Variants in EPHB1 observed in about 807,000 individuals in gnomAD.
EPHB1 encodes the protein ephrin type-B receptor 1.
In EPHB1, 30 loss-of-function variants were observed where a neutral mutation model predicts 94.4. The ratio of observed to expected loss-of-function variants is 0.32; its 90% CI spans 0.24 to 0.43. The LOEUF is 0.43. EPHB1 is among the 20% of genes least tolerant of loss of function. The probability of loss-of-function intolerance (pLI) is 1.00; values close to 1 mark genes in which losing one functional copy is unlikely to be tolerated. For synonymous variants in EPHB1, 522 were observed against 489.1 expected (o/e 1.07, Z -0.89); for missense variants, 1,055 against 1,308.3 (o/e 0.81, Z 2.99).
In EPHB1 at chr3:134,979,254, A is replaced by G. The variant is rs553371558; in HGVS notation, c.805+27202A>G. On this transcript the variant is annotated intron_variant, in intron 3 of 15. Transcript: ENST00000398015. ...TCAAGTGATTAGATCTTTGGAAGCT[A>G]TTGTATAATTCTTAAACTTTGGTAA... is the stretch of plus-strand genomic sequence containing the variant. Among the ~76,000 whole-genome samples the G allele has an allele frequency of 4.6e-5, 7 of 152,272 alleles. No individual in the cohort carries two copies. In the East Asian group the frequency reaches 1.3e-3, roughly 29 times the overall value.
chr3:135,040,224 G>A (rs1249185344), intron 3 of EPHB1, among the ~76,000 whole-genome samples: 2 of 152,182 alleles, frequency 1.3e-5, no homozygotes, highest in African/African-American at 4.8e-5. Flanking sequence ...ATCCATATCT[G>A]GGGTAATAAT....
At chr3:134,931,415 T>C (rs1341739201) in intron 2 of EPHB1, among the ~76,000 whole-genome samples, 2 of 152,262 alleles carry the variant, frequency 1.3e-5, no homozygotes, top group Non-Finnish European at 2.9e-5. Flanking sequence ...TGGGCCACCA[T>C]TGGCCTCTGT....
chr3:135,043,306 C>A (rs1482243810), intron 3 of EPHB1, among the ~76,000 whole-genome samples: 1 of 151,742 alleles, frequency 6.6e-6, no homozygotes, highest in East Asian at 1.9e-4. Flanking sequence ...TGTGTGATAT[C>A]TGAGCCCCTA....
chr3:134,824,912 G>A (rs1335412238), intron 1 of EPHB1, among the ~76,000 whole-genome samples: 1 of 152,180 alleles, frequency 6.6e-6, no homozygotes, highest in African/African-American at 2.4e-5. Context: ...TAGAGGCTTT[G>A]GATGACTGCA....
At chr3:135,091,035 A>G (rs1440938649) in intron 3 of EPHB1, among the ~76,000 whole-genome samples, 1 of 152,236 alleles carries the variant, frequency 6.6e-6, no homozygotes, top group Non-Finnish European at 1.5e-5. Flanking sequence ...TAAATTATAC[A>G]TATGCAGCAC....
At chr3:134,853,664 A>G (rs1391362278) in intron 1 of EPHB1, among the ~76,000 whole-genome samples, 2 of 152,218 alleles carry the variant, frequency 1.3e-5, no homozygotes, top group African/African-American at 2.4e-5. Flanking sequence ...TCTGAGTTCA[A>G]GATGGAAGGT....
intron 4 of EPHB1, among the ~76,000 whole-genome samples, chr3:135,111,395 C>A (rs1939436642): frequency 6.6e-6 from 1 of 152,168 alleles, no homozygotes; most frequent in African/African-American, 2.4e-5. Flanking sequence ...AGAGTTGGGT[C>A]ATATTCCTCT....
intron 3 of EPHB1, among the ~76,000 whole-genome samples, chr3:135,073,765 C>G (rs1489732390): frequency 6.6e-6 from 1 of 151,816 alleles, no homozygotes; most frequent in Non-Finnish European, 1.5e-5. Flanking sequence ...ATAGTTTTCC[C>G]CCTTTCTTTT....
intron 4 of EPHB1, among the ~76,000 whole-genome samples, chr3:135,126,444 G>A (rs969505581): frequency 1.3e-5 from 2 of 152,152 alleles, no homozygotes; most frequent in African/African-American, 4.8e-5. Flanking sequence ...GGAGGACAAT[G>A]AATACCAGAT....
At chr3:135,134,661 G>A (rs1003777423) in intron 5 of EPHB1, among the ~76,000 whole-genome samples, 28 of 152,194 alleles carry the variant, frequency 1.8e-4, no homozygotes, top group African/African-American at 6.8e-4. Context: ...CCCAAAGAAA[G>A]GAGAATGGTA....
intron 13 of EPHB1, among the ~76,000 whole-genome samples, chr3:135,245,799 C>A (rs538687372): frequency 7.8e-5 from 10 of 128,980 alleles, no homozygotes; most frequent in African/African-American, 3.1e-4. Flanking sequence ...GAGCGAGACA[C>A]CATCTCAAAA....
At chr3:134,823,022 A>G (rs1335797327) in intron 1 of EPHB1, among the ~76,000 whole-genome samples, 2 of 152,186 alleles carry the variant, frequency 1.3e-5, no homozygotes, top group South Asian at 2.1e-4. Context: ...CGAGGGGTAC[A>G]TGACTCCTCA....
chr3:134,991,241 C>T (rs1474414056), intron 3 of EPHB1, among the ~76,000 whole-genome samples: 1 of 152,180 alleles, frequency 6.6e-6, no homozygotes, highest in Admixed American at 6.5e-5. Flanking sequence ...ATACCCAAGC[C>T]ACAGTTTAAT....
At chr3:134,802,739 T>C (rs1346902518) in intron 1 of EPHB1, among the ~76,000 whole-genome samples, 1 of 152,218 alleles carries the variant, frequency 6.6e-6, no homozygotes, top group Non-Finnish European at 1.5e-5. Context: ...CTTCTAACTT[T>C]GTGAATGAGA....
At chr3:134,873,778 T>C (rs1245219449) in intron 1 of EPHB1, among the ~76,000 whole-genome samples, 1 of 152,056 alleles carries the variant, frequency 6.6e-6, no homozygotes, top group Non-Finnish European at 1.5e-5. Context: ...TGGTATGAGG[T>C]TTAGGGCAAT....
At chr3:135,018,745 T>C (rs565974036) in intron 3 of EPHB1, among the ~76,000 whole-genome samples, 1 of 152,270 alleles carries the variant, frequency 6.6e-6, no homozygotes, top group African/African-American at 2.4e-5. Flanking sequence ...GTCTCATTCT[T>C]CTTGGGGACA....
chr3:135,209,233 A>G (rs1354623694), intron 12 of EPHB1, among the ~76,000 whole-genome samples: 1 of 152,250 alleles, frequency 6.6e-6, no homozygotes, highest in Non-Finnish European at 1.5e-5. Context: ...GCTAATTCAG[A>G]TAAGAAACAT....
At chr3:135,229,974 G>T (rs1046964854) in intron 12 of EPHB1, among the ~76,000 whole-genome samples, 9 of 152,322 alleles carry the variant, frequency 5.9e-5, no homozygotes, top group Middle Eastern at 6.8e-3. Flanking sequence ...TGGAGACATG[G>T]GGAAAGGCCC....
intron 1 of EPHB1, among the ~76,000 whole-genome samples, chr3:134,820,458 C>A (rs2036358709): frequency 6.6e-6 from 1 of 152,128 alleles, no homozygotes; most frequent in South Asian, 2.1e-4. Context: ...CCCCCTTGGA[C>A]CAGAAACTGG....
Sources: gnomAD v4.1 joint callset for allele counts (sites outside exome capture counted in the v4.1 genomes callset) on GRCh38, gnomAD v4.1.1 for gene constraint, MANE v1.5 for transcripts, NCBI Gene and HGNC (gene_info 2026-07-23, HGNC 2026-07-21) for gene names.